The following NCKAP5 variants were observed in gnomAD, a reference collection of about 807,000 sequenced individuals.
NCKAP5 encodes NCK associated protein 5.
In NCKAP5, 92 loss-of-function variants were observed where a neutral mutation model predicts 167.0. The observed-to-expected ratio is 0.55, with a 90% CI of 0.47 to 0.66. The LOEUF (loss-of-function observed/expected upper bound fraction) is 0.66. NCKAP5 is among the 30% of genes least tolerant of loss of function. The probability of loss-of-function intolerance (pLI) is 0.00; values close to 1 mark genes in which losing one functional copy is unlikely to be tolerated. For synonymous variants in NCKAP5, 891 were observed against 877.4 expected, an observed-to-expected ratio of 1.02 and a Z score of -0.27; for missense variants, 2,378 against 2,315.0, an observed-to-expected ratio of 1.03 and a Z score of -0.56.
chr2:133,092,587 A>G (rs1028469044), intron 6 of NCKAP5, among the ~76,000 whole-genome samples: 1 of 149,418 alleles, frequency 6.7e-6, no homozygotes. Flanking sequence ...CTAAAATAAC[A>G]TAATTTTTTT....
intron 8 of NCKAP5, among the ~76,000 whole-genome samples, chr2:132,904,350 AAAT>A (rs1247792115): frequency 2.0e-5 from 3 of 150,326 alleles, no homozygotes; most frequent in Admixed American, 2.0e-4. Context: ...ATAAATAAAT[AAAT>A]AAAAATTAAA....
At chr2:132,875,340 A>G (rs775684740) in intron 9 of NCKAP5, among the ~76,000 whole-genome samples, 12 of 152,016 alleles carry the variant, frequency 7.9e-5, no homozygotes, top group Non-Finnish European at 1.2e-4. Context: ...ACCCTTTCCA[A>G]TTCTGCCCCC....
At chr2:133,426,562 G>A (rs780806197) in intron 3 of NCKAP5, among the ~76,000 whole-genome samples, 1 of 151,892 alleles carries the variant, frequency 6.6e-6, no homozygotes, top group Non-Finnish European at 1.5e-5. Context: ...TATCTCTGAT[G>A]AACATGGATG....
intron 5 of NCKAP5, among the ~76,000 whole-genome samples, chr2:133,177,803 C>T (rs10205257): frequency 0.33 from 50,445 of 151,970 alleles, 9,054 homozygotes; most frequent in East Asian, 0.58. Flanking sequence ...AAGTGGAGAC[C>T]ACCTGGGAAG....
rs11894149 is a variant in NCKAP5 at position 133,338,154 on chromosome 2, C to A, written c.70-35044G>T. ...TTGTTGAAATCAAATATTTGAATTT[C>A]ATAATTTGGTTAAGAAAAAATATAG... On this transcript the variant is annotated intron_variant, in intron 3 of 19. Transcript: ENST00000409261. 9.8e-3 allele frequency among the ~76,000 whole-genome samples: 1,490 copies of A among 151,776 alleles called. 26 individuals are homozygous for A. Among genetic ancestry groups the A allele is most frequent in the African/African-American group, 0.032 (1,317 of 41,362 alleles).
intron 8 of NCKAP5, among the ~76,000 whole-genome samples, chr2:132,944,682 A>G (rs1368698286): frequency 1.3e-5 from 2 of 152,156 alleles, no homozygotes; most frequent in South Asian, 2.1e-4. Context: ...ATGGTCTTGT[A>G]ATACTTTAAT....
chr2:132,880,334 A>G (rs1691647635), intron 8 of NCKAP5, among the ~76,000 whole-genome samples: 1 of 152,224 alleles, frequency 6.6e-6, no homozygotes, highest in Non-Finnish European at 1.5e-5. Context: ...TGTTACTAAC[A>G]CATAGAAATG....
At chr2:133,371,816 C>T (rs993504209) in intron 3 of NCKAP5, among the ~76,000 whole-genome samples, 1 of 152,170 alleles carries the variant, frequency 6.6e-6, no homozygotes, top group Non-Finnish European at 1.5e-5. Context: ...TACCTCAGTG[C>T]TTCCTTACTG....
At chr2:133,467,861 C>T (rs1692721878) in intron 3 of NCKAP5, among the ~76,000 whole-genome samples, 1 of 134,732 alleles carries the variant, frequency 7.4e-6, no homozygotes, top group Admixed American at 7.6e-5. Context: ...GTGATATCCC[C>T]TTTATCATTT....
At chr2:133,533,901 G>C (rs888936037) in intron 2 of NCKAP5, among the ~76,000 whole-genome samples, 4 of 152,048 alleles carry the variant, frequency 2.6e-5, no homozygotes, top group African/African-American at 7.2e-5. Flanking sequence ...ACATGCCTCT[G>C]TAATCTTTCA....
chr2:133,403,064 T>A (rs895248448), intron 3 of NCKAP5, among the ~76,000 whole-genome samples: 10 of 152,220 alleles, frequency 6.6e-5, no homozygotes, highest in African/African-American at 1.9e-4. Context: ...GCACACCACT[T>A]ATCTTTGAAT....
At chr2:132,979,765 AT>A (rs1334479033) in intron 7 of NCKAP5, among the ~76,000 whole-genome samples, 2 of 152,140 alleles carry the variant, frequency 1.3e-5, no homozygotes, top group African/African-American at 4.8e-5. Flanking sequence ...ATTTATCTGA[AT>A]TTTACTCCTT....
chr2:133,479,002 T>C (rs1157709978), intron 3 of NCKAP5, among the ~76,000 whole-genome samples: 6 of 152,162 alleles, frequency 3.9e-5, no homozygotes, highest in African/African-American at 1.4e-4. Flanking sequence ...GATGTTTAAA[T>C]TGTTGGCCTT....
At chr2:132,813,079 G>A (rs1198193052) in intron 11 of NCKAP5, among the ~76,000 whole-genome samples, 1 of 152,172 alleles carries the variant, frequency 6.6e-6, no homozygotes, top group Non-Finnish European at 1.5e-5. Flanking sequence ...GGTCAAAAAA[G>A]AAAGAAAGGT....
At chr2:133,387,919 T>TTGG (rs1406256063) in intron 3 of NCKAP5, among the ~76,000 whole-genome samples, 12 of 152,226 alleles carry the variant, frequency 7.9e-5, no homozygotes, top group East Asian at 3.8e-4. Context: ...CTTCTCTGCA[T>TTGG]TGGTTATTCT....
At chr2:133,069,932 C>A (rs2080332204) in intron 6 of NCKAP5, among the ~76,000 whole-genome samples, 1 of 151,778 alleles carries the variant, frequency 6.6e-6, no homozygotes, top group Non-Finnish European at 1.5e-5. Flanking sequence ...CAATAGGTAC[C>A]TTTATTTTAT....
At chr2:132,840,849 G>C (rs1688247549) in intron 11 of NCKAP5, among the ~76,000 whole-genome samples, 1 of 151,944 alleles carries the variant, frequency 6.6e-6, no homozygotes, top group Non-Finnish European at 1.5e-5. Context: ...TGGTTCACCT[G>C]TGAGTTTTTT....
At chr2:133,449,409 A>AT (rs1342870818) in intron 3 of NCKAP5, among the ~76,000 whole-genome samples, 2 of 152,214 alleles carry the variant, frequency 1.3e-5, no homozygotes, top group East Asian at 3.8e-4. Flanking sequence ...ATTTCAAGGA[A>AT]TTTTTTAACA....
rs1686178572 is a variant in NCKAP5 at position 133,376,830 on chromosome 2, A to C, written c.70-73720T>G. Among the ~76,000 whole-genome samples the C allele has an allele frequency of 2.0e-5, 3 of 152,330 alleles. No homozygotes were observed. The East Asian group carries it at 5.8e-4, about 29-fold the overall frequency. The stretch of plus-strand genomic sequence containing the variant: ...GAGCTGAGCCACAGCAGTGCTAGAC[A>C]TTGCCAGTGGTACCTGTGTGACATA... On this transcript the variant is annotated intron_variant, in intron 3 of 19. Transcript: ENST00000409261.
Sources: allele counts gnomAD v4.1 joint callset (sites outside exome capture counted in the v4.1 genomes callset), GRCh38; gene constraint gnomAD v4.1.1; transcripts MANE v1.5; gene names NCBI Gene and HGNC (gene_info 2026-07-23, HGNC 2026-07-21).